The following CD47 variants were observed in gnomAD, a reference collection of about 807,000 sequenced individuals.
The protein encoded by CD47 is CD47 molecule, also known as leukocyte surface antigen CD47.
In CD47, 11 loss-of-function variants were observed where a neutral mutation model predicts 44.6. The ratio of observed to expected loss-of-function variants is 0.25; its 90% confidence interval spans 0.16 to 0.41. The LOEUF is 0.41. Among genes scored for constraint, CD47 ranks in the 10% least tolerant of loss-of-function variants. The pLI, the probability that CD47 is intolerant of heterozygous loss-of-function variation, is 1.00. For synonymous variants in CD47, 140 were observed against 136.3 expected, an observed-to-expected ratio of 1.03 and a Z score of -0.19; for missense variants, 306 against 386.7, an observed-to-expected ratio of 0.79 and a Z score of 1.75.
rs535528641 is a variant in CD47 at position 108,078,991 on chromosome 3, G to T, written c.400+1000C>A. ...GGTGAATAGTAAGTTGCTGAACAGG[G>T]GCTGTAACTCAGACCTCCTGATTCT... On this transcript the variant is annotated intron_variant, in intron 2 of 10. Coordinates refer to ENST00000361309, the MANE Select transcript of CD47 (RefSeq NM_001777.4). Among the ~76,000 whole-genome samples, 13 of 152,110 alleles carry T rather than the reference G, an allele frequency of 8.5e-5. 1 individual carries two copies. In the South Asian group the frequency reaches 2.7e-3, roughly 31 times the overall value.
At chr3:108,062,625 A>G (rs2079033829) in intron 3 of CD47, among the ~76,000 whole-genome samples, 1 of 148,318 alleles carries the variant, frequency 6.7e-6, no homozygotes, top group South Asian at 2.1e-4. Context: ...CTTCTTCTAT[A>G]TTTTTCTTTT....
intron 7 of CD47, chr3:108,053,089 G>A (rs1406188705): frequency 6.6e-6 from 1 of 152,412 alleles, no homozygotes; most frequent in Non-Finnish European, 1.5e-5. Context: ...TGAACAGAGA[G>A]GCCCATTCCG....
chr3:108,067,348 G>A (rs1018917911), intron 3 of CD47, among the ~76,000 whole-genome samples: 1 of 152,158 alleles, frequency 6.6e-6, no homozygotes, highest in African/African-American at 2.4e-5. Flanking sequence ...GGTTTTGTGC[G>A]AAGCCAGTAT....
intron 3 of CD47, among the ~76,000 whole-genome samples, chr3:108,068,592 G>C (rs1448427979): frequency 2.0e-5 from 3 of 152,198 alleles, no homozygotes; most frequent in Non-Finnish European, 4.4e-5. Flanking sequence ...AACAGTACTA[G>C]TTCAAATCCC....
chr3:108,086,903 C>T (rs913183587), intron 1 of CD47, among the ~76,000 whole-genome samples: 3 of 152,010 alleles, frequency 2.0e-5, no homozygotes, highest in Admixed American at 1.3e-4. Context: ...GTTGTCCTTT[C>T]GTTGGAAAAG....
At chr3:108,063,555 C>T (rs1046062619) in intron 3 of CD47, among the ~76,000 whole-genome samples, 4 of 152,126 alleles carry the variant, frequency 2.6e-5, no homozygotes, top group African/African-American at 9.7e-5. Flanking sequence ...AACCCAATAA[C>T]CTCAAGGATC....
chr3:108,064,459 A>C (rs2065194839), intron 3 of CD47, among the ~76,000 whole-genome samples: 1 of 152,234 alleles, frequency 6.6e-6, no homozygotes, highest in Admixed American at 6.5e-5. Context: ...ATGGACAAGA[A>C]GGTTTTCTGA....
intron 9 of CD47, among the ~76,000 whole-genome samples, chr3:108,049,948 GAAGT>G (rs1257690932): frequency 6.6e-6 from 1 of 151,802 alleles, no homozygotes; most frequent in East Asian, 1.9e-4. Context: ...TCACAAATTG[GAAGT>G]AATTGGGATC....
chr3:108,047,231 G>A lies in CD47; in HGVS notation c.*57C>T. On this transcript the variant is annotated 3_prime_UTR_variant, in exon 11 of 11. Transcript: ENST00000361309. ...TCAAGGCCATGGTGCTTAAACACAA[G>A]TGTATTCCTTTCACGTCTTACTACT... 1 of 1,474,258 alleles carries A rather than the reference G, an allele frequency of 6.8e-7. No homozygotes were observed. The highest frequency in any genetic ancestry group is 2.3e-5 in the East Asian group (1 of 43,904). 91.3% of individuals were successfully genotyped at this position (1,474,258 alleles called of 1,614,324 possible).
chr3:108,066,565 A>G (rs1042762902), intron 3 of CD47, among the ~76,000 whole-genome samples: 3 of 152,242 alleles, frequency 2.0e-5, no homozygotes, highest in African/African-American at 7.2e-5. Flanking sequence ...TATTTAGGTC[A>G]TGCACAGACA....
intron 2 of CD47, among the ~76,000 whole-genome samples, chr3:108,077,247 C>T (rs1440742634): frequency 5.9e-5 from 9 of 152,178 alleles, no homozygotes; most frequent in East Asian, 1.9e-4. Context: ...CCTCAAAGTC[C>T]GTGACAAGTA....
intron 10 of CD47, among the ~76,000 whole-genome samples, chr3:108,048,453 T>G (rs1345766149): frequency 7.0e-6 from 1 of 141,926 alleles, no homozygotes; most frequent in East Asian, 2.1e-4. Flanking sequence ...GGCACGATCT[T>G]GGCTCACTGC....
intron 1 of CD47, among the ~76,000 whole-genome samples, chr3:108,085,406 T>C (rs550176215): frequency 3.5e-4 from 54 of 152,278 alleles, no homozygotes; most frequent in Non-Finnish European, 7.1e-4. Context: ...AGTGATGGTA[T>C]ATACCTCATA....
chr3:108,074,720 G>C (rs11708496), intron 2 of CD47, among the ~76,000 whole-genome samples: 12,429 of 133,350 alleles, frequency 0.093, 1,352 homozygotes, highest in East Asian at 0.57. Context: ...GTGGGGGGGG[G>C]GGGCACACAA....
intron 3 of CD47, 112 bp from the exon 4 acceptor site, chr3:108,060,964 T>C (rs1298149344): frequency 7.4e-6 from 5 of 671,450 alleles, no homozygotes; most frequent in East Asian, 2.8e-5. Flanking sequence ...TAATAACTTA[T>C]GAGGAACAAC....
At chr3:108,054,162 T>G (rs573010417) in intron 7 of CD47, 6 of 152,152 alleles carry the variant, frequency 3.9e-5, no homozygotes, top group Non-Finnish European at 7.3e-5. Flanking sequence ...GTGGGAGCAT[T>G]GCTTGAGCCC....
At chr3:108,062,423 C>A (rs2108239038) in intron 3 of CD47, among the ~76,000 whole-genome samples, 1 of 152,228 alleles carries the variant, frequency 6.6e-6, no homozygotes, top group South Asian at 2.1e-4. Flanking sequence ...ATATTGTTAT[C>A]TAAATAGAGC....
intron 3 of CD47, among the ~76,000 whole-genome samples, chr3:108,067,812 T>C (rs1424596020): frequency 1.3e-5 from 2 of 152,052 alleles, no homozygotes; most frequent in African/African-American, 2.4e-5. Context: ...GCTCTGGGAG[T>C]TTAAGAGTCT....
At chr3:108,085,638 C>G (rs1384038761) in intron 1 of CD47, among the ~76,000 whole-genome samples, 1 of 152,060 alleles carries the variant, frequency 6.6e-6, no homozygotes, top group Admixed American at 6.6e-5. Flanking sequence ...GTCACTGTAC[C>G]TACTACTGTG....
Sources: allele counts gnomAD v4.1 joint callset (sites outside exome capture counted in the v4.1 genomes callset), GRCh38; gene constraint gnomAD v4.1.1; transcripts MANE v1.5; gene names NCBI Gene and HGNC (gene_info 2026-07-23, HGNC 2026-07-21).